Variants in TRPM2 observed in about 807,000 individuals in gnomAD.
TRPM2 encodes transient receptor potential cation channel subfamily M member 2.
A neutral mutation model predicts 174.0 loss-of-function variants in TRPM2; 161 were observed. The observed-to-expected ratio is 0.93, with a 90% CI of 0.81 to 1.05. TRPM2 has a LOEUF of 1.05. Among genes scored for constraint, TRPM2 ranks in the 50% least tolerant of loss-of-function variants. TRPM2 has a pLI of 0.00. For missense variants in TRPM2, 2,057 were observed against 2,038.0 expected, an observed-to-expected ratio of 1.01 and a Z score of -0.18; for synonymous variants, 954 against 861.3, an observed-to-expected ratio of 1.11 and a Z score of -1.88.
chr21:44,416,709 C>T (rs996656707), intron 20 of TRPM2: 1 of 198,040 alleles, frequency 5.0e-6, no homozygotes, highest in Non-Finnish European at 1.0e-5. Context: ...GTGCCTGGAG[C>T]TGGCCTCCCG....
chr21:44,396,315 G>T (rs1425899715), intron 12 of TRPM2, among the ~76,000 whole-genome samples: 1 of 32,294 alleles, frequency 3.1e-5, no homozygotes, highest in Non-Finnish European at 5.8e-5. Context: ...CTGTGGAGGG[G>T]TGTGGAGGAT....
At position 44,366,919 on chromosome 21, in the gene TRPM2, G is replaced by GCC. The variant is rs2048380030; in HGVS notation, c.589_590insCC (p.Val197AlafsTer20). The stretch of plus-strand genomic sequence containing the variant: ...CATTTTCCGCAGAGGCCTGGTCAAG[G>GCC]TGGCTCAGACCACAGGTAACTCGGA... On this transcript the variant is annotated frameshift_variant, in exon 4 of 32. Coordinates refer to ENST00000397928, the MANE Select transcript of TRPM2 (RefSeq NM_003307.4). LOFTEE classifies it high-confidence loss of function. This position sits in a 1 kb window ranked among gnomAD's most constrained non-coding sequence, Gnocchi z 6.0. The GCC allele has an allele frequency of 6.3e-6, 10 of 1,597,836 alleles. No individual in the cohort carries two copies. The highest frequency in any genetic ancestry group is 3.4e-5 in the Admixed American group (2 of 58,954).
chr21:44,370,129 A>G (rs114029709), intron 5 of TRPM2, among the ~76,000 whole-genome samples: 2,230 of 151,844 alleles, frequency 0.015, 51 homozygotes, highest in African/African-American at 0.051. Flanking sequence ...ATCTCCCTCA[A>G]GGTTGTAAGA....
rs1379352859 is a variant in TRPM2 at position 44,366,687 on chromosome 21, G to A, written c.424-67G>A. 1.2e-6 allele frequency: 2 copies of A among 1,607,078 alleles called. No individual in the cohort carries two copies. Among genetic ancestry groups the A allele is most frequent in the Non-Finnish European group, 1.7e-6 (2 of 1,177,170 alleles). ...CCGCTGGGGCCTCTCTGCATGGCCT[G>A]TGTGGGTCGGTGCTGTCCCTGACCA... On this transcript the variant is annotated intron_variant, in intron 3 of 31. Transcript: ENST00000397928. This position sits in a 1 kb window ranked among gnomAD's most constrained non-coding sequence, Gnocchi z 6.0.
chr21:44,390,892 G>A lies in TRPM2; in HGVS notation c.1319-12G>A. The A allele has an allele frequency of 6.2e-7, 1 of 1,614,016 alleles. No individual in the cohort carries two copies. Among genetic ancestry groups the A allele is most frequent in the Non-Finnish European group, 8.5e-7 (1 of 1,180,032 alleles). ...CCAGATCGAGGCCCAATATGCACCT[G>A]TTCATCTGCAGCCTCACGGAGCCAA... On this transcript the variant is annotated splice_polypyrimidine_tract_variant and intron_variant, in intron 9 of 31. Coordinates refer to ENST00000397928, the MANE Select transcript of TRPM2 (RefSeq NM_003307.4).
intron 2 of TRPM2, among the ~76,000 whole-genome samples, chr21:44,357,756 G>A (rs2048099909): frequency 2.0e-5 from 3 of 152,212 alleles, no homozygotes; most frequent in Non-Finnish European, 4.4e-5. Flanking sequence ...TAGCAGTCAG[G>A]GGACGGAGAG....
At position 44,354,608 on chromosome 21, in the gene TRPM2, C is replaced by T. The variant is rs370646137; in HGVS notation, c.166-40C>T. ...CTCCAGGGGGCTGGGTGTGCTCTTT[C>T]GAATGTTGGAAGATCTCAGTGTGCT... is the stretch of plus-strand genomic sequence containing the variant. On this transcript the variant is annotated intron_variant, in intron 1 of 31. Coordinates refer to ENST00000397928, the MANE Select transcript of TRPM2 (RefSeq NM_003307.4). This position sits in a 1 kb window ranked among gnomAD's most constrained non-coding sequence, Gnocchi z 4.3. The T allele has an allele frequency of 2.2e-5, 34 of 1,579,008 alleles. No individual in the cohort carries two copies. The highest frequency in any genetic ancestry group is 5.5e-5 in the South Asian group (5 of 90,380).
At chr21:44,441,528 G>C (rs530200486) in intron 31 of TRPM2, among the ~76,000 whole-genome samples, 164 bp from the exon 32 acceptor site, 1 of 152,284 alleles carries the variant, frequency 6.6e-6, no homozygotes, top group Non-Finnish European at 1.5e-5. Flanking sequence ...GGGCCTTGTG[G>C]GTGCATCTCT....
intron 19 of TRPM2, 137 bp downstream of exon 19, chr21:44,406,902 T>G (rs1008398875): frequency 8.5e-7 from 1 of 1,174,294 alleles, no homozygotes; most frequent in African/African-American, 1.6e-5. Context: ...GTGTCCTCCC[T>G]GGGGGCATTC....
chr21:44,384,779 T>C (rs1403247987), intron 9 of TRPM2, among the ~76,000 whole-genome samples: 1 of 152,182 alleles, frequency 6.6e-6, no homozygotes, highest in Non-Finnish European at 1.5e-5. Context: ...AATAGACCTA[T>C]AAGTAGTAAG....
intron 11 of TRPM2, among the ~76,000 whole-genome samples, chr21:44,392,626 G>A (rs990533994): frequency 1.3e-5 from 2 of 151,898 alleles, no homozygotes; most frequent in African/African-American, 2.4e-5. Flanking sequence ...ATGTGGCCTC[G>A]TTTAACCTTA....
chr21:44,391,355 G>A lies in TRPM2; in HGVS notation c.1524G>A (p.Val508=), dbSNP rs1158228853. 3 of 1,614,050 alleles carry A rather than the reference G, an allele frequency of 1.9e-6. No individual in the cohort carries two copies. Among genetic ancestry groups the A allele is most frequent in the Non-Finnish European group, 2.5e-6 (3 of 1,180,050 alleles). Reference sequence around the variant, plus strand: ...TGAAGCTCTTCCTGGAGAACGGGGTGCAGCTGAAGGAGTTTGTCACCTGGG... The same window carrying A: ...TGAAGCTCTTCCTGGAGAACGGGGTACAGCTGAAGGAGTTTGTCACCTGGG... The part of the protein sequence containing the change: ...EFVKLFLENG[V]QLKEFVTWDT... The change falls in exon 11 of 32, where the codon GTG becomes GTA. Residue 508 remains valine, a synonymous_variant. Coordinates refer to ENST00000397928, the MANE Select transcript of TRPM2 (RefSeq NM_003307.4). This position sits in a 1 kb window ranked among gnomAD's most constrained non-coding sequence, Gnocchi z 5.0.
intron 2 of TRPM2, among the ~76,000 whole-genome samples, chr21:44,358,952 G>A (rs1330108026): frequency 6.6e-6 from 1 of 152,234 alleles, no homozygotes; most frequent in Non-Finnish European, 1.5e-5. Flanking sequence ...CAGCGTGAAA[G>A]GGGACCCGAG....
At position 44,391,537 on chromosome 21, in the gene TRPM2, T is replaced by TG. The variant is rs951397686; in HGVS notation, c.1711dup (p.Asp571GlyfsTer54). On this transcript the variant is annotated frameshift_variant, in exon 11 of 32. Transcript: ENST00000397928. LOFTEE classifies it high-confidence loss of function. The surrounding 1 kb of genome is among the most constrained non-coding windows in gnomAD (Gnocchi z 5.0). Reference sequence around the variant, plus strand: ...GTGGCCCAGGTGCTGCGGGAGCTGCTGGGGGACTTCACGCAGCCGCTTTAT... The same window carrying TG: ...GTGGCCCAGGTGCTGCGGGAGCTGCTGGGGGGACTTCACGCAGCCGCTTTAT... 38 of 1,604,168 alleles carry TG rather than the reference T, an allele frequency of 2.4e-5. No homozygotes were observed. Among genetic ancestry groups the TG allele is most frequent in the Non-Finnish European group, 3.1e-5 (36 of 1,178,494 alleles).
At chr21:44,434,481 G>A (rs906079931) in intron 27 of TRPM2, among the ~76,000 whole-genome samples, 3 of 151,980 alleles carry the variant, frequency 2.0e-5, no homozygotes, top group African/African-American at 7.3e-5. Context: ...CGTGGATGCC[G>A]CCCCCACCGC....
rs781507507 is a variant in TRPM2, at chr21:44,376,030, T to C, written c.952+17T>C. The C allele has an allele frequency of 6.2e-7, 1 of 1,608,828 alleles. No individual in the cohort carries two copies. Among genetic ancestry groups the C allele is most frequent in the South Asian group, 1.1e-5 (1 of 90,834 alleles). ...AAAGAGGAGGTAGGGGAGCTTGCTT[T>C]CGAGGGTGATTGGGCAGAGAGCACA... On this transcript the variant is annotated intron_variant, in intron 6 of 31. Coordinates refer to ENST00000397928, the MANE Select transcript of TRPM2 (RefSeq NM_003307.4). The surrounding 1 kb of genome is among the most constrained non-coding windows in gnomAD (Gnocchi z 4.2).
At chr21:44,437,658 C>T (rs149404848) in intron 29 of TRPM2, among the ~76,000 whole-genome samples, 269 of 152,318 alleles carry the variant, frequency 1.8e-3, no homozygotes, top group African/African-American at 6.1e-3. Context: ...GCACAGGCCC[C>T]TCAGCTCAGG....
At chr21:44,421,267 GA>G (rs2050539914) in intron 22 of TRPM2, among the ~76,000 whole-genome samples, 1 of 151,846 alleles carries the variant, frequency 6.6e-6, no homozygotes, top group African/African-American at 2.4e-5. Context: ...GCAGTGAGCT[GA>G]GATCGCGCTG....
chr21:44,415,262 G>T (rs1461083413), intron 20 of TRPM2: 2 of 152,110 alleles, frequency 1.3e-5, no homozygotes, highest in Non-Finnish European at 2.9e-5. Flanking sequence ...GTCCACACTC[G>T]AACCCTGTGG....
Sources: allele counts gnomAD v4.1 joint callset (sites outside exome capture counted in the v4.1 genomes callset), GRCh38; gene constraint gnomAD v4.1.1; non-coding constraint Gnocchi (gnomAD v3.1); transcripts MANE v1.5; gene names NCBI Gene and HGNC (gene_info 2026-07-23, HGNC 2026-07-21).